The following MEGF10 variants were observed in gnomAD, a reference collection of about 807,000 sequenced individuals.
MEGF10 encodes multiple EGF like domains 10.
MEGF10 carries 86 observed loss-of-function variants against 147.5 expected under a neutral mutation model. The observed-to-expected ratio is 0.58, with a 90% CI of 0.49 to 0.70. The LOEUF is 0.70. Ranked by LOEUF, MEGF10 falls within the 30% of genes least tolerant of loss-of-function variation. The probability of loss-of-function intolerance (pLI) is 0.00; values close to 1 mark genes in which losing one functional copy is unlikely to be tolerated. For synonymous variants in MEGF10, 478 were observed against 525.5 expected, an observed-to-expected ratio of 0.91 and a Z score of 1.24; for missense variants, 1,329 against 1,487.3, an observed-to-expected ratio of 0.89 and a Z score of 1.75.
intron 5 of MEGF10, among the ~76,000 whole-genome samples, chr5:127,381,365 G>A (rs915360427): frequency 3.3e-5 from 5 of 151,420 alleles, no homozygotes; most frequent in African/African-American, 4.9e-5. Context: ...TGTACAGGGA[G>A]CAGAAATATT....
At chr5:127,252,403 TGGTAAA>T in the MEGF10 span, among the ~76,000 whole-genome samples, 2 of 151,780 alleles carry the variant, frequency 1.3e-5, no homozygotes, top group Admixed American at 1.3e-4. Flanking sequence ...AAAGAGTGTA[TGGTAAA>T]GCCATAATGT....
intron 6 of MEGF10, among the ~76,000 whole-genome samples, chr5:127,397,075 G>A (rs1169920442): frequency 6.6e-6 from 1 of 152,104 alleles, no homozygotes; most frequent in Non-Finnish European, 1.5e-5. Flanking sequence ...GCACTATTTG[G>A]GGGTTGTTGG....
At chr5:127,327,661 GGGAAAAA>G (rs1761089879) in intron 1 of MEGF10, among the ~76,000 whole-genome samples, 1 of 151,580 alleles carries the variant, frequency 6.6e-6, no homozygotes, top group Non-Finnish European at 1.5e-5. Flanking sequence ...AAAGAAGATA[GGGAAAAA>G]GTAAATGAAT....
At chr5:127,357,987 G>A (rs964529757) in intron 4 of MEGF10, among the ~76,000 whole-genome samples, 3 of 152,136 alleles carry the variant, frequency 2.0e-5, no homozygotes, top group Non-Finnish European at 4.4e-5. Flanking sequence ...GGCCTCTGAA[G>A]GCATTTGAGT....
intron 4 of MEGF10, among the ~76,000 whole-genome samples, chr5:127,343,343 G>T (rs1360953788): frequency 6.6e-6 from 1 of 152,034 alleles, no homozygotes; most frequent in Non-Finnish European, 1.5e-5. Context: ...CAGGAGAGCA[G>T]GTCCTGTCTT....
the MEGF10 span, among the ~76,000 whole-genome samples, chr5:127,241,275 G>C: frequency 6.6e-6 from 1 of 152,188 alleles, no homozygotes; most frequent in Non-Finnish European, 1.5e-5. Context: ...GAAAGCAAAG[G>C]TGGAGGTTGG....
intron 5 of MEGF10, among the ~76,000 whole-genome samples, chr5:127,395,797 G>A (rs1045019148): frequency 1.3e-5 from 2 of 152,022 alleles, no homozygotes; most frequent in Non-Finnish European, 2.9e-5. Context: ...TCCCGTCTCG[G>A]CCTCCCAAAG....
intron 5 of MEGF10, among the ~76,000 whole-genome samples, chr5:127,383,140 A>T (rs978876650): frequency 1.3e-5 from 2 of 152,174 alleles, no homozygotes; most frequent in African/African-American, 4.8e-5. Context: ...ATGTATTAGG[A>T]GATAGATTAT....
rs1212319093 is a variant in MEGF10 at position 127,449,116 on chromosome 5, G to A, written c.2874G>A (p.Leu958=). ...TTTAACAGTCAAAAAACAATCAACT[G>A]TTTGTGAATCTTAAAAATGTGAACC... ...MTVTKSKNNQ[L]FVNLKNVNPG... Residue 958 remains leucine, a synonymous_variant, in exon 22 of 25, where the codon CTG becomes CTA. Transcript: ENST00000503335. 1 of 1,614,066 alleles carries A rather than the reference G, an allele frequency of 6.2e-7. No individual in the cohort carries two copies. The highest frequency in any genetic ancestry group is 8.5e-7 in the Non-Finnish European group (1 of 1,179,974).
Position 127,420,205 on chromosome 5 carries a change from C to A in MEGF10, c.1588C>A (p.Gln530Lys). ...WRGEKCELPC[Q>K]DGTYGLNCAE... The stretch of plus-strand genomic sequence containing the variant: ...CGGGGAGAAATGCGAACTTCCCTGC[C>A]AGGTATGCACAAATCAGCGCCCTGA... Residue 530 changes from glutamine (Q) to lysine (K), a missense_variant and splice_region_variant, in exon 12 of 25, where the codon CAG becomes AAG. By Grantham distance (53) the Gln-to-Lys change is moderately conservative. Coordinates refer to ENST00000503335, the MANE Select transcript of MEGF10 (RefSeq NM_001256545.2). 3.7e-6 allele frequency: 6 copies of A among 1,613,822 alleles called. No individual in the cohort carries two copies. The highest frequency in any genetic ancestry group is 5.1e-6 in the Non-Finnish European group (6 of 1,179,862).
chr5:127,245,952 A>G, the MEGF10 span, among the ~76,000 whole-genome samples: 1 of 152,196 alleles, frequency 6.6e-6, no homozygotes, highest in East Asian at 1.9e-4. Flanking sequence ...AAGTTAGGAA[A>G]CAACAGATGC....
chr5:127,265,778 T>C, the MEGF10 span, among the ~76,000 whole-genome samples: 1 of 152,210 alleles, frequency 6.6e-6, no homozygotes, highest in Admixed American at 6.5e-5. Flanking sequence ...TTTGTTTTTT[T>C]CTTGTAAATT....
At chr5:127,296,327 G>T (rs1395005027) in intron 1 of MEGF10, among the ~76,000 whole-genome samples, 4 of 152,140 alleles carry the variant, frequency 2.6e-5, no homozygotes, top group African/African-American at 9.7e-5. Context: ...CATTTCTAGT[G>T]ATTTCCTCTC....
At position 127,306,755 on chromosome 5, in the gene MEGF10, C is replaced by T. The variant is rs185599717; in HGVS notation, c.-19+15699C>T. On this transcript the variant is annotated intron_variant, in intron 1 of 24. Coordinates refer to ENST00000503335, the MANE Select transcript of MEGF10 (RefSeq NM_001256545.2). ...CATGGTTAGAGGAAAGAAGTCCAGG[C>T]GAAGCGGAGCTACCTAAGGAGAGAC... 2.5e-3 allele frequency among the ~76,000 whole-genome samples: 380 copies of T among 152,302 alleles called. 2 individuals are homozygous for T. Among genetic ancestry groups the T allele is most frequent in the Non-Finnish European group, 2.2e-3 (152 of 68,026 alleles).
chr5:127,242,757 C>T, the MEGF10 span, among the ~76,000 whole-genome samples: 3 of 152,096 alleles, frequency 2.0e-5, no homozygotes, highest in East Asian at 3.8e-4. Flanking sequence ...TTATTTTCCA[C>T]AGACATTTAA....
the MEGF10 span, among the ~76,000 whole-genome samples, chr5:127,284,231 C>T: frequency 6.6e-6 from 1 of 152,144 alleles, no homozygotes; most frequent in African/African-American, 2.4e-5. Context: ...GGAGGAGACT[C>T]ATGGGCCAAG....
intron 1 of MEGF10, among the ~76,000 whole-genome samples, chr5:127,325,931 G>C (rs1761012923): frequency 7.2e-6 from 1 of 139,848 alleles, no homozygotes; most frequent in South Asian, 2.2e-4. Context: ...TTAAGACAGG[G>C]ACTTGCTCTG....
chr5:127,357,833 A>T (rs1239055390), intron 4 of MEGF10, among the ~76,000 whole-genome samples: 1 of 152,198 alleles, frequency 6.6e-6, no homozygotes, highest in Non-Finnish European at 1.5e-5. Context: ...TGGAAAAATC[A>T]GGCTATTGGT....
intron 4 of MEGF10, among the ~76,000 whole-genome samples, chr5:127,342,546 G>A (rs1761726854): frequency 2.6e-5 from 4 of 152,144 alleles, no homozygotes; most frequent in Non-Finnish European, 5.9e-5. Flanking sequence ...GTGGGGGGGT[G>A]TAGATCCAAG....
Sources: gnomAD v4.1 joint callset for allele counts (sites outside exome capture counted in the v4.1 genomes callset) on GRCh38, gnomAD v4.1.1 for gene constraint, MANE v1.5 for transcripts, NCBI Gene and HGNC (gene_info 2026-07-23, HGNC 2026-07-21) for gene names.